Variants in REC114 observed in about 807,000 individuals in gnomAD.
REC114 encodes the protein meiotic recombination protein REC114.
Under a neutral mutation model 31.3 loss-of-function variants are expected in REC114, and 27 were observed. The ratio of observed to expected loss-of-function variants is 0.86; its 90% CI spans 0.64 to 1.19. The LOEUF (loss-of-function observed/expected upper bound fraction) is 1.19. Ranked by LOEUF, REC114 falls within the 50% of genes most tolerant of loss-of-function variation. The pLI, the probability that REC114 is intolerant of heterozygous loss-of-function variation, is 0.00. For synonymous variants in REC114, 134 were observed against 127.7 expected, an observed-to-expected ratio of 1.05 and a Z score of -0.33; for missense variants, 344 against 326.9, an observed-to-expected ratio of 1.05 and a Z score of -0.40.
intron 2 of REC114, among the ~76,000 whole-genome samples, chr15:73,484,935 C>T (rs1229087380): frequency 6.6e-6 from 1 of 152,168 alleles, no homozygotes; most frequent in Non-Finnish European, 1.5e-5. Flanking sequence ...AGTGAAAATG[C>T]TATATTCCTA....
chr15:73,500,352 C>CAAAAAA (rs34228065), intron 2 of REC114, among the ~76,000 whole-genome samples: 3 of 137,984 alleles, frequency 2.2e-5, no homozygotes, highest in Non-Finnish European at 4.6e-5. Context: ...ACAGAAATAG[C>CAAAAAA]AAAAAAAAAA....
chr15:73,486,835 G>A (rs973278645), intron 2 of REC114, among the ~76,000 whole-genome samples: 2 of 152,046 alleles, frequency 1.3e-5, no homozygotes, highest in Middle Eastern at 3.2e-3. Context: ...TTGGGAGTTC[G>A]CAACCAGCCT....
intron 2 of REC114, among the ~76,000 whole-genome samples, chr15:73,525,292 A>G (rs1893990606): frequency 6.6e-6 from 1 of 152,084 alleles, no homozygotes; most frequent in Non-Finnish European, 1.5e-5. Context: ...ATCAATCTAG[A>G]TAGAGATTAT....
At chr15:73,453,504 C>A (rs1272144775) in intron 1 of REC114, among the ~76,000 whole-genome samples, 2 of 152,126 alleles carry the variant, frequency 1.3e-5, no homozygotes, top group Admixed American at 1.3e-4. Flanking sequence ...AATAGGAACG[C>A]TTTTATACTG....
chr15:73,537,338 A>G (rs1246871299), intron 2 of REC114, among the ~76,000 whole-genome samples: 2 of 152,202 alleles, frequency 1.3e-5, no homozygotes, highest in Admixed American at 1.3e-4. Flanking sequence ...GAAGAGATAT[A>G]GGAAACTCCA....
chr15:73,478,986 G>T (rs539228709), intron 2 of REC114, among the ~76,000 whole-genome samples: 1 of 152,184 alleles, frequency 6.6e-6, no homozygotes, highest in Non-Finnish European at 1.5e-5. Context: ...CATGATCTGT[G>T]TTCTGTAAAT....
intron 4 of REC114, 73 bp from the exon 5 acceptor site, chr15:73,556,229 C>G: frequency 7.8e-7 from 1 of 1,288,766 alleles, no homozygotes; most frequent in Non-Finnish European, 1.1e-6. Flanking sequence ...ATGCATATTT[C>G]TGCTCTTTAA....
chr15:73,555,676 C>T (rs918024992), intron 4 of REC114, among the ~76,000 whole-genome samples: 1 of 152,102 alleles, frequency 6.6e-6, no homozygotes, highest in Non-Finnish European at 1.5e-5. Flanking sequence ...TCGCTCCTAT[C>T]CCCGTACCAC....
intron 3 of REC114, among the ~76,000 whole-genome samples, chr15:73,547,461 A>G (rs143852096): frequency 6.6e-6 from 1 of 152,334 alleles, no homozygotes; most frequent in East Asian, 1.9e-4. Context: ...GTAAACTAGT[A>G]CAACCATTAT....
At chr15:73,445,319 C>T (rs1892750392) in intron 1 of REC114, among the ~76,000 whole-genome samples, 1 of 152,184 alleles carries the variant, frequency 6.6e-6, no homozygotes, top group Non-Finnish European at 1.5e-5. Context: ...GTTAAAAAAT[C>T]AGATCAGACT....
chr15:73,528,319 G>A (rs1204047262), intron 2 of REC114, among the ~76,000 whole-genome samples: 2 of 152,076 alleles, frequency 1.3e-5, no homozygotes, highest in Non-Finnish European at 1.5e-5. Context: ...GATTATCAAT[G>A]GCTGCTAATA....
intron 2 of REC114, among the ~76,000 whole-genome samples, chr15:73,529,933 T>G (rs1438100570): frequency 6.6e-6 from 1 of 152,236 alleles, no homozygotes; most frequent in African/African-American, 2.4e-5. Flanking sequence ...TCATGGCATA[T>G]CATGATTTCT....
intron 1 of REC114, among the ~76,000 whole-genome samples, chr15:73,454,123 A>G (rs2151252062): frequency 6.6e-6 from 1 of 152,286 alleles, no homozygotes; most frequent in Non-Finnish European, 1.5e-5. Flanking sequence ...ATAATAAAGA[A>G]AACACAAACA....
intron 1 of REC114, among the ~76,000 whole-genome samples, chr15:73,447,689 A>AAATG (rs397963038): frequency 9.6e-4 from 145 of 151,544 alleles, no homozygotes; most frequent in African/African-American, 2.1e-3. Context: ...ATAAATAAAT[A>AAATG]GGAAAATACA....
At chr15:73,509,917 C>T (rs1015286375) in intron 2 of REC114, among the ~76,000 whole-genome samples, 8 of 151,362 alleles carry the variant, frequency 5.3e-5, no homozygotes, top group African/African-American at 1.2e-4. Context: ...ATTGACTTGG[C>T]GATGCAGGCT....
At chr15:73,476,535 G>A (rs905578149) in intron 2 of REC114, among the ~76,000 whole-genome samples, 2 of 152,138 alleles carry the variant, frequency 1.3e-5, no homozygotes, top group African/African-American at 4.8e-5. Flanking sequence ...TTATTTTGAA[G>A]TATATATACA....
At chr15:73,512,181 C>A (rs2141315212) in intron 2 of REC114, among the ~76,000 whole-genome samples, 1 of 131,618 alleles carries the variant, frequency 7.6e-6, no homozygotes, top group South Asian at 2.4e-4. Context: ...TTGAATTGAT[C>A]TCTTTACCAT....
intron 2 of REC114, among the ~76,000 whole-genome samples, chr15:73,492,888 A>G (rs114812122): frequency 0.011 from 1,743 of 152,166 alleles, 30 homozygotes; most frequent in African/African-American, 0.04. Flanking sequence ...CCTTATGTTT[A>G]TTGGCCAGCT....
intron 2 of REC114, among the ~76,000 whole-genome samples, chr15:73,505,259 T>C (rs1893659481): frequency 1.3e-5 from 2 of 152,234 alleles, no homozygotes; most frequent in Non-Finnish European, 2.9e-5. Context: ...TTTCTATAAT[T>C]TAGTTTGACA....
Sources: gnomAD v4.1 joint callset for allele counts (sites outside exome capture counted in the v4.1 genomes callset) on GRCh38, gnomAD v4.1.1 for gene constraint, MANE v1.5 for transcripts, NCBI Gene and HGNC (gene_info 2026-07-23, HGNC 2026-07-21) for gene names.